Variants in THADA observed in about 807,000 individuals in gnomAD.
THADA encodes the protein tRNA (32-2'-O)-methyltransferase regulator THADA.
THADA carries 213 observed loss-of-function variants against 219.8 expected under a neutral mutation model. That is an observed-to-expected ratio of 0.97 (90% CI 0.87 to 1.09). The LOEUF (loss-of-function observed/expected upper bound fraction) is 1.09, where lower values mean the gene tolerates loss of function less well. THADA is among the 50% of genes least tolerant of loss of function. The probability of loss-of-function intolerance (pLI) is 0.00; values close to 1 mark genes in which losing one functional copy is unlikely to be tolerated. For synonymous variants in THADA, 1,018 were observed against 828.9 expected (o/e 1.23, Z -3.92); for missense variants, 2,956 against 2,311.3 (o/e 1.28, Z -5.72).
At chr2:43,438,761 T>C (rs536255552) in intron 26 of THADA, among the ~76,000 whole-genome samples, 1 of 152,326 alleles carries the variant, frequency 6.6e-6, no homozygotes, top group South Asian at 2.1e-4. Flanking sequence ...TGAAACTGGA[T>C]AGCACTGAAC....
chr2:43,244,795 G>C (rs995665113), intron 36 of THADA, among the ~76,000 whole-genome samples: 5 of 152,342 alleles, frequency 3.3e-5, no homozygotes, highest in Admixed American at 1.3e-4. Flanking sequence ...TCACTCTGCA[G>C]AGCCTCCCAG....
chr2:43,515,185 TAA>T, intron 22 of THADA, among the ~76,000 whole-genome samples: 2 of 50,214 alleles, frequency 4.0e-5, no homozygotes, highest in African/African-American at 8.0e-5. Flanking sequence ...ATATTATATA[TAA>T]TATATTATAT....
intron 25 of THADA, among the ~76,000 whole-genome samples, chr2:43,496,081 G>C (rs750053251): frequency 1.3e-5 from 2 of 152,120 alleles, no homozygotes; most frequent in African/African-American, 4.8e-5. Flanking sequence ...TTATCATACA[G>C]GTAAGAAATG....
chr2:43,537,212 A>T (rs1469863741), intron 21 of THADA, among the ~76,000 whole-genome samples: 1 of 152,264 alleles, frequency 6.6e-6, no homozygotes, highest in Non-Finnish European at 1.5e-5. Flanking sequence ...TCATCTTACC[A>T]GAATGTTTAT....
At chr2:43,566,382 G>T in intron 15 of THADA, 1 of 633,948 alleles carries the variant, frequency 1.6e-6, no homozygotes, top group South Asian at 2.0e-5. Flanking sequence ...AAAACTTAAA[G>T]AACAGATTGG....
chr2:43,434,637 G>C (rs1679832616), intron 26 of THADA, among the ~76,000 whole-genome samples: 1 of 152,332 alleles, frequency 6.6e-6, no homozygotes, highest in South Asian at 2.1e-4. Flanking sequence ...GGCCAGGGCA[G>C]TCAGAAAAGA....
chr2:43,314,864 T>A (rs749094575), intron 31 of THADA, among the ~76,000 whole-genome samples: 2 of 152,236 alleles, frequency 1.3e-5, no homozygotes, highest in African/African-American at 4.8e-5. Flanking sequence ...ACCCCCAGAT[T>A]TGAAAATTTT....
intron 31 of THADA, among the ~76,000 whole-genome samples, chr2:43,313,610 C>T (rs777495374): frequency 5.3e-5 from 8 of 152,220 alleles, no homozygotes; most frequent in Admixed American, 2.0e-4. Context: ...TCTAATAACA[C>T]GCTCCAGTCC....
At chr2:43,488,259 G>C (rs766291593) in intron 25 of THADA, among the ~76,000 whole-genome samples, 15 of 152,236 alleles carry the variant, frequency 9.9e-5, no homozygotes, top group Non-Finnish European at 2.1e-4. Flanking sequence ...TATTAACAAA[G>C]TGTGAAGCTA....
chr2:43,351,868 AAAGT>A (rs1668305610), intron 29 of THADA, among the ~76,000 whole-genome samples: 1 of 152,212 alleles, frequency 6.6e-6, no homozygotes, highest in Non-Finnish European at 1.5e-5. Flanking sequence ...TAAATTCTAT[AAAGT>A]AATTATGAGT....
chr2:43,577,309 C>A, intron 9 of THADA, 67 bp from the exon 10 acceptor site: 3 of 1,234,538 alleles, frequency 2.4e-6, no homozygotes, highest in Non-Finnish European at 3.4e-6. Flanking sequence ...TTTCAAAATA[C>A]AAACCCAAAC....
At chr2:43,512,468 A>G (rs1352167129) in intron 22 of THADA, among the ~76,000 whole-genome samples, 1 of 152,188 alleles carries the variant, frequency 6.6e-6, no homozygotes, top group Non-Finnish European at 1.5e-5. Context: ...CATTTTAAAC[A>G]AAATCTACTT....
chr2:43,270,552 C>CCT lies in THADA; in HGVS notation c.5296+9211_5296+9212dup, dbSNP rs1407894711. Among the ~76,000 whole-genome samples, 3 of 152,204 alleles carry CCT rather than the reference C, an allele frequency of 2.0e-5. No individual in the cohort carries two copies. The East Asian group carries it at 5.8e-4, about 29-fold the overall frequency. On this transcript the variant is annotated intron_variant, in intron 36 of 37. Coordinates refer to ENST00000405975, the MANE Select transcript of THADA (RefSeq NM_022065.5). ...CTAAACTAGATGCCAGGTTTGGACTCCTTTCCCTGTCTCAGAGAGGATCTG... is the reference window on the plus strand; with the variant it reads ...CTAAACTAGATGCCAGGTTTGGACTCCTCTTTCCCTGTCTCAGAGAGGATCTG...
intron 24 of THADA, among the ~76,000 whole-genome samples, chr2:43,501,017 G>A (rs376298027): frequency 6.6e-5 from 10 of 151,732 alleles, no homozygotes; most frequent in African/African-American, 1.7e-4. Flanking sequence ...TCTATAAGAC[G>A]TTTATGGGCC....
At chr2:43,466,365 C>T (rs1429778944) in intron 26 of THADA, among the ~76,000 whole-genome samples, 1 of 152,194 alleles carries the variant, frequency 6.6e-6, no homozygotes, top group African/African-American at 2.4e-5. Flanking sequence ...GTTTTCTTCA[C>T]TTGGTTAACT....
chr2:43,577,906 A>C (rs1333190384), intron 9 of THADA, among the ~76,000 whole-genome samples: 1 of 152,134 alleles, frequency 6.6e-6, no homozygotes, highest in Non-Finnish European at 1.5e-5. Context: ...AATATCTTTT[A>C]AGATACTAAT....
In THADA at chr2:43,577,135, T is replaced by G. The variant is rs759717863; in HGVS notation, c.924A>C (p.Leu308Phe). 1.2e-6 allele frequency: 2 copies of G among 1,612,380 alleles called. No individual in the cohort carries two copies. The highest frequency in any genetic ancestry group is 2.2e-5 in the South Asian group (2 of 90,408). Reference sequence around the variant, plus strand: ...TGGCAAGTGTCCCCTGACAGAGGAATAAGACAGCTGACTGAGAGATGTCAC... The same window carrying G: ...TGGCAAGTGTCCCCTGACAGAGGAAGAAGACAGCTGACTGAGAGATGTCAC... ...CCGDISQSAVLFLCQGTLAML... is the reference protein window; with the variant it reads ...CCGDISQSAVFFLCQGTLAML... Residue 308 changes from leucine (L) to phenylalanine (F), a missense_variant, in exon 10 of 38, where the codon TTA (leucine) becomes TTC (phenylalanine). Transcript: ENST00000405975.
intron 26 of THADA, among the ~76,000 whole-genome samples, chr2:43,473,747 T>A (rs1366944678): frequency 6.6e-6 from 1 of 152,052 alleles, no homozygotes; most frequent in Non-Finnish European, 1.5e-5. Context: ...TAGCTGGGAT[T>A]ACAGGCGCCT....
chr2:43,413,321 C>T (rs1243853462), intron 28 of THADA, among the ~76,000 whole-genome samples: 1 of 151,952 alleles, frequency 6.6e-6, no homozygotes, highest in Non-Finnish European at 1.5e-5. Context: ...CCTAAAACCC[C>T]ACCACCACCC....
Sources: allele counts gnomAD v4.1 joint callset (sites outside exome capture counted in the v4.1 genomes callset), GRCh38; gene constraint gnomAD v4.1.1; transcripts MANE v1.5; gene names NCBI Gene and HGNC (gene_info 2026-07-23, HGNC 2026-07-21).